PARD3B: variants seen among roughly 807,000 people sequenced by gnomAD.
PARD3B encodes the protein par-3 family cell polarity regulator beta.
Under a neutral mutation model 130.2 loss-of-function variants are expected in PARD3B, and 103 were observed. That is an observed-to-expected ratio of 0.79 (90% CI 0.67 to 0.93). PARD3B has a LOEUF of 0.93. Ranked by LOEUF, PARD3B falls within the 40% of genes least tolerant of loss-of-function variation. The pLI is 0.00. For missense variants in PARD3B, 1,609 were observed against 1,499.2 expected (o/e 1.07, Z -1.21); for synonymous variants, 583 against 553.2 (o/e 1.05, Z -0.76).
intron 4 of PARD3B, among the ~76,000 whole-genome samples, chr2:205,049,541 G>A (rs1339859281): frequency 3.9e-5 from 6 of 151,958 alleles, no homozygotes; most frequent in Non-Finnish European, 7.4e-5. Flanking sequence ...TAACCATATC[G>A]GTCCTCCAAT....
chr2:205,604,764 T>C lies in PARD3B; in HGVS notation c.3261-10692T>C, dbSNP rs529217635. Reference sequence around the variant, plus strand: ...TTAAGTGTTGTCCTGTCTTGTTAGGTTGGGGAAGTTCTCCTGGATGATGTC... The same window carrying C: ...TTAAGTGTTGTCCTGTCTTGTTAGGCTGGGGAAGTTCTCCTGGATGATGTC... On this transcript the variant is annotated intron_variant, in intron 22 of 22. Transcript: ENST00000406610. Among the ~76,000 whole-genome samples, 6 of 152,320 alleles carry C rather than the reference T, an allele frequency of 3.9e-5. 1 individual carries two copies. The South Asian group carries it at 1.2e-3, about 32-fold the overall frequency.
chr2:205,080,080 A>G (rs1026833394), intron 4 of PARD3B, among the ~76,000 whole-genome samples: 1 of 152,198 alleles, frequency 6.6e-6, no homozygotes, highest in African/African-American at 2.4e-5. Context: ...AAATCATAAA[A>G]AAGTAAAATG....
intron 2 of PARD3B, among the ~76,000 whole-genome samples, chr2:204,727,494 T>A (rs1417453395): frequency 2.0e-5 from 3 of 152,186 alleles, no homozygotes; most frequent in African/African-American, 4.8e-5. Flanking sequence ...ATGTTTGTTC[T>A]GTCAACTGAA....
In PARD3B at chr2:205,617,246, C is replaced by A. The variant is rs911079498; in HGVS notation, c.*1433C>A. On this transcript the variant is annotated 3_prime_UTR_variant, in exon 23 of 23. Transcript: ENST00000406610. ...AAGCTGGCCCAAATGAGAACACAAG[C>A]AAAAGATGTGGAAGACAGCAAAACC... is the stretch of plus-strand genomic sequence containing the variant. 1 of 152,498 alleles carries A rather than the reference C, an allele frequency of 6.6e-6. No homozygotes were observed. The highest frequency in any genetic ancestry group is 2.1e-4 in the South Asian group (1 of 4,836). 9.4% of individuals were successfully genotyped at this position (152,498 alleles called of 1,614,324 possible).
At chr2:205,546,293 G>A (rs1367033103) in intron 21 of PARD3B, among the ~76,000 whole-genome samples, 3 of 152,038 alleles carry the variant, frequency 2.0e-5, no homozygotes, top group Non-Finnish European at 4.4e-5. Flanking sequence ...AGATAAATAT[G>A]CCCCAAATCC....
chr2:204,722,191 A>G (rs1009751209), intron 2 of PARD3B, among the ~76,000 whole-genome samples: 1 of 152,202 alleles, frequency 6.6e-6, no homozygotes, highest in Admixed American at 6.6e-5. Context: ...TAAACTTTGT[A>G]TCTATTGACA....
chr2:205,151,720 T>C (rs548949670), intron 10 of PARD3B, among the ~76,000 whole-genome samples: 1 of 152,334 alleles, frequency 6.6e-6, no homozygotes, highest in South Asian at 2.1e-4. Context: ...TCATCCAATT[T>C]ACCAGTCTGT....
At chr2:205,131,694 G>C (rs558671396) in intron 10 of PARD3B, among the ~76,000 whole-genome samples, 226 of 152,276 alleles carry the variant, frequency 1.5e-3, no homozygotes, top group Non-Finnish European at 2.7e-3. Context: ...TCAAGATGCA[G>C]AGCCACATGG....
rs998820463 is a variant in PARD3B at position 205,122,631 on chromosome 2, C to G, written c.1165+682C>G. On this transcript the variant is annotated intron_variant, in intron 8 of 22. Transcript: ENST00000406610. This position sits in a 1 kb window ranked among gnomAD's most constrained non-coding sequence, Gnocchi z 4.3. ...ACCTCTGCTTTATATTACCTTCCCC[C>G]ATTGCAACCTTCTGAAATTCTGTGT... 6.6e-6 allele frequency among the ~76,000 whole-genome samples: 1 copy of G among 152,176 alleles called. No individual in the cohort carries two copies. The highest frequency in any genetic ancestry group is 2.4e-5 in the African/African-American group (1 of 41,438).
intron 16 of PARD3B, among the ~76,000 whole-genome samples, chr2:205,272,484 A>T (rs920822541): frequency 6.6e-6 from 1 of 152,186 alleles, no homozygotes; most frequent in Non-Finnish European, 1.5e-5. Flanking sequence ...TTGTTTTAAC[A>T]ATTAGGATGT....
intron 19 of PARD3B, among the ~76,000 whole-genome samples, chr2:205,423,049 G>A (rs959714740): frequency 2.0e-5 from 3 of 152,124 alleles, no homozygotes; most frequent in East Asian, 3.9e-4. Context: ...CTTTCTCCTC[G>A]ACATCCAGTG....
intron 16 of PARD3B, among the ~76,000 whole-genome samples, chr2:205,266,240 G>A (rs2040499722): frequency 6.6e-6 from 1 of 152,032 alleles, no homozygotes. Context: ...ATGGAATTTG[G>A]CAACTGTTTA....
intron 2 of PARD3B, among the ~76,000 whole-genome samples, chr2:204,942,126 G>A (rs1446523873): frequency 3.3e-5 from 5 of 152,074 alleles, no homozygotes; most frequent in African/African-American, 1.2e-4. Context: ...ATGTAAATCA[G>A]CCTTCTTTAG....
At chr2:205,199,500 C>T (rs573137163) in intron 15 of PARD3B, among the ~76,000 whole-genome samples, 67 of 149,274 alleles carry the variant, frequency 4.5e-4, no homozygotes, top group Non-Finnish European at 7.1e-4. Context: ...TATATACACA[C>T]GCACACACGC....
At position 205,325,895 on chromosome 2, in the gene PARD3B, G is replaced by A. The variant is rs369458001; in HGVS notation, c.2630+24194G>A. On this transcript the variant is annotated intron_variant, in intron 18 of 22. Coordinates refer to ENST00000406610, the MANE Select transcript of PARD3B (RefSeq NM_001302769.2). This position sits in a 1 kb window ranked among gnomAD's most constrained non-coding sequence, Gnocchi z 4.1. ...ATAAAAATAAATAAAACAATTGTGA[G>A]AGCAAATAAACACAAAAACATCCTA... Among the ~76,000 whole-genome samples the A allele has an allele frequency of 3.5e-3, 538 of 152,186 alleles. No homozygotes were observed. The highest frequency in any genetic ancestry group is 0.029 in the South Asian group (140 of 4,822).
chr2:204,716,123 G>T (rs2038709934), intron 2 of PARD3B, among the ~76,000 whole-genome samples: 1 of 152,100 alleles, frequency 6.6e-6, no homozygotes, highest in Admixed American at 6.5e-5. Context: ...TTTATTAGAA[G>T]TTCAATAAAT....
intron 20 of PARD3B, among the ~76,000 whole-genome samples, chr2:205,489,830 C>A (rs982710115): frequency 2.0e-5 from 3 of 152,072 alleles, no homozygotes; most frequent in African/African-American, 2.4e-5. Context: ...TAAGGTATTT[C>A]TCCCTTTGTG....
At chr2:205,360,051 G>T (rs764713495) in intron 18 of PARD3B, among the ~76,000 whole-genome samples, 1 of 152,006 alleles carries the variant, frequency 6.6e-6, no homozygotes, top group Non-Finnish European at 1.5e-5. Context: ...ATTTCCCAAG[G>T]TCTCCATCAA....
intron 18 of PARD3B, among the ~76,000 whole-genome samples, chr2:205,385,009 G>T (rs984619502): frequency 6.6e-6 from 1 of 151,762 alleles, no homozygotes; most frequent in Non-Finnish European, 1.5e-5. Flanking sequence ...CCTCACATTA[G>T]AGCCTGTATA....
Sources: allele counts gnomAD v4.1 joint callset (sites outside exome capture counted in the v4.1 genomes callset), GRCh38; gene constraint gnomAD v4.1.1; non-coding constraint Gnocchi (gnomAD v3.1); transcripts MANE v1.5; gene names NCBI Gene and HGNC (gene_info 2026-07-23, HGNC 2026-07-21).